Variants in WDPCP observed in about 807,000 individuals in gnomAD.
WDPCP encodes the protein WD repeat-containing and planar cell polarity effector protein fritz homolog.
A neutral mutation model predicts 93.1 loss-of-function variants in WDPCP; 71 were observed. That is an observed-to-expected ratio of 0.76 (90% CI 0.63 to 0.93). WDPCP has a LOEUF of 0.93. Among genes scored for constraint, WDPCP ranks in the 40% least tolerant of loss-of-function variants. WDPCP has a pLI of 0.00. For missense variants in WDPCP, 844 were observed against 887.4 expected (o/e 0.95, Z 0.62); for synonymous variants, 315 against 315.0 (o/e 1.00, Z 0.00).
intron 14 of WDPCP, among the ~76,000 whole-genome samples, chr2:63,220,153 A>C (rs1258316283): frequency 6.6e-6 from 1 of 152,244 alleles, no homozygotes; most frequent in Non-Finnish European, 1.5e-5. Flanking sequence ...AGCTGAAGCC[A>C]GATTTTAAGC....
intron 6 of WDPCP, among the ~76,000 whole-genome samples, chr2:63,481,234 A>T (rs1700251066): frequency 6.6e-6 from 1 of 152,052 alleles, no homozygotes; most frequent in Non-Finnish European, 1.5e-5. Flanking sequence ...CAAAAAATAA[A>T]AATAATAATA....
At chr2:63,274,993 G>GA (rs1334760634) in intron 13 of WDPCP, among the ~76,000 whole-genome samples, 1 of 151,824 alleles carries the variant, frequency 6.6e-6, no homozygotes, top group Non-Finnish European at 1.5e-5. Context: ...ATATGACAAA[G>GA]AAAAAAACCT....
At chr2:63,483,172 A>G (rs537404289) in intron 6 of WDPCP, among the ~76,000 whole-genome samples, 1 of 152,078 alleles carries the variant, frequency 6.6e-6, no homozygotes, top group Non-Finnish European at 1.5e-5. Context: ...GGTGGAGGCC[A>G]TGAGACATGC....
At chr2:63,489,768 A>G (rs1700763663) in intron 2 of WDPCP, among the ~76,000 whole-genome samples, 1 of 152,178 alleles carries the variant, frequency 6.6e-6, no homozygotes, top group Admixed American at 6.5e-5. Flanking sequence ...ACTTGAGTCC[A>G]CAGAGATAAA....
intron 6 of WDPCP, among the ~76,000 whole-genome samples, chr2:63,458,388 A>G (rs933461311): frequency 3.3e-5 from 5 of 152,176 alleles, no homozygotes; most frequent in Non-Finnish European, 5.9e-5. Context: ...ACAAAAATCA[A>G]CATATAAAAA....
chr2:63,338,569 AATATATATAT>A (rs1159039677), intron 12 of WDPCP, among the ~76,000 whole-genome samples: 259 of 14,362 alleles, frequency 0.018, 6 homozygotes, highest in Middle Eastern at 0.056. Flanking sequence ...AAAAAAAAAA[AATATATATAT>A]ATATATATAT....
intron 2 of WDPCP, among the ~76,000 whole-genome samples, chr2:63,685,444 G>C (rs1455402289): frequency 6.6e-6 from 1 of 151,012 alleles, no homozygotes; most frequent in African/African-American, 2.5e-5. Flanking sequence ...CAAGTAACAA[G>C]AACGAAGCTG....
intron 12 of WDPCP, among the ~76,000 whole-genome samples, chr2:63,313,737 T>C (rs939941591): frequency 3.3e-5 from 5 of 151,758 alleles, no homozygotes; most frequent in Non-Finnish European, 7.4e-5. Flanking sequence ...GGAGATGGGA[T>C]ATACTAAGGA....
chr2:63,678,267 A>G (rs79733288), intron 2 of WDPCP, among the ~76,000 whole-genome samples: 1,781 of 152,296 alleles, frequency 0.012, 14 homozygotes, highest in Non-Finnish European at 0.014. Context: ...GGCAGGAAGA[A>G]AAGGGAAGAG....
rs1685153166 is a variant in WDPCP at position 63,299,364 on chromosome 2, G to A, written c.1812+13884C>T. On this transcript the variant is annotated intron_variant, in intron 13 of 17. Transcript: ENST00000272321. ...ACTGTCTAGTTGCAAGGATTGCATC[G>A]TGATGAGCCATCTGTGTACCAGGCC... Among the ~76,000 whole-genome samples the A allele has an allele frequency of 2.0e-5, 3 of 152,142 alleles. No individual in the cohort carries two copies. The South Asian group carries it at 6.2e-4, about 32-fold the overall frequency.
intron 3 of WDPCP, chr2:63,599,758 A>G (rs1244735800): frequency 2.6e-5 from 4 of 152,356 alleles, no homozygotes; most frequent in Non-Finnish European, 5.9e-5. Flanking sequence ...TTTTCATTTT[A>G]TGTCTTTTTA....
chr2:63,159,270 T>G (rs1387033490), intron 15 of WDPCP, among the ~76,000 whole-genome samples: 1 of 152,038 alleles, frequency 6.6e-6, no homozygotes, highest in African/African-American at 2.4e-5. Flanking sequence ...TTGTTGGTTT[T>G]TTAAAGAGAT....
intron 1 of WDPCP, among the ~76,000 whole-genome samples, chr2:63,517,050 C>A (rs1005079048): frequency 1.3e-5 from 2 of 152,100 alleles, no homozygotes. Flanking sequence ...CCTCTTTTCC[C>A]TTCTTGGCTC....
intron 13 of WDPCP, among the ~76,000 whole-genome samples, chr2:63,276,008 G>A (rs75804051): frequency 6.6e-6 from 1 of 152,322 alleles, no homozygotes; most frequent in East Asian, 1.9e-4. Context: ...GAAAAACTGT[G>A]CGGGTATCCA....
intron 6 of WDPCP, chr2:63,440,228 C>A (rs534944067): frequency 1.1e-5 from 2 of 189,602 alleles, no homozygotes; most frequent in African/African-American, 4.7e-5. Flanking sequence ...TGAAAAATTA[C>A]TATTATAAAC....
intron 17 of WDPCP, among the ~76,000 whole-genome samples, chr2:63,124,293 T>G (rs1277622059): frequency 6.6e-6 from 1 of 151,972 alleles, no homozygotes; most frequent in Admixed American, 6.6e-5. Flanking sequence ...GGAAGACTGA[T>G]CTTCATTTTT....
rs1475659482 is a variant in WDPCP at position 63,121,311 on chromosome 2, A to G, written c.*695T>C. ...GGGCTGAAAAATTTGCATAATAAAT[A>G]CTGTATTTGTAATGTAAATTAATAA... is the stretch of plus-strand genomic sequence containing the variant. On this transcript the variant is annotated 3_prime_UTR_variant, in exon 18 of 18. Transcript: ENST00000272321. The G allele has an allele frequency of 6.6e-6, 1 of 151,866 alleles. No homozygotes were observed. Among genetic ancestry groups the G allele is most frequent in the East Asian group, 1.9e-4 (1 of 5,182 alleles). 9.4% of individuals were successfully genotyped at this position (151,866 alleles called of 1,614,324 possible). A position where few individuals can be genotyped will look rare whatever the true frequency, so the allele number is the denominator to read the frequency against.
chr2:63,824,537 C>CAAAAAAAAAAAAAAAAAAAAAAAAAAAA (rs70965144), intron 1 of WDPCP, among the ~76,000 whole-genome samples: 1 of 85,330 alleles, frequency 1.2e-5, no homozygotes, highest in Non-Finnish European at 2.1e-5. Context: ...GACCATGTTT[C>CAAAAAAAAAAAAAAAAAAAAAAAAAAAA]AAAAAAAAAA....
At chr2:63,823,995 G>A (rs1485072264) in intron 1 of WDPCP, among the ~76,000 whole-genome samples, 3 of 151,998 alleles carry the variant, frequency 2.0e-5, no homozygotes, top group African/African-American at 7.2e-5. Flanking sequence ...GCAACATAGG[G>A]AGACCCCTGT....
Sources: gnomAD v4.1 joint callset for allele counts (sites outside exome capture counted in the v4.1 genomes callset) on GRCh38, gnomAD v4.1.1 for gene constraint, MANE v1.5 for transcripts, NCBI Gene and HGNC (gene_info 2026-07-23, HGNC 2026-07-21) for gene names.